AQP1: variants seen among roughly 807,000 people sequenced by gnomAD.
AQP1 encodes aquaporin 1 (Colton blood group), also known as aquaporin-1.
Under a neutral mutation model 19.7 loss-of-function variants are expected in AQP1, and 11 were observed. That is an observed-to-expected ratio of 0.56 (90% confidence interval 0.35 to 0.92). AQP1 has a LOEUF of 0.92. Ranked by LOEUF, AQP1 falls within the 40% of genes least tolerant of loss-of-function variation. The pLI is 0.01. For synonymous variants in AQP1, 159 were observed against 166.7 expected (o/e 0.95, Z 0.36); for missense variants, 320 against 369.7 (o/e 0.87, Z 1.10).
Position 30,919,467 on chromosome 7 carries a change from G to A in AQP1, c.385-2599G>A, listed in dbSNP as rs147013241. Among the ~76,000 whole-genome samples the A allele has an allele frequency of 2.4e-3, 365 of 152,016 alleles. 5 individuals carry two copies. Among genetic ancestry groups the A allele is most frequent in the African/African-American group, 8.3e-3 (344 of 41,446 alleles). On this transcript the variant is annotated intron_variant, in intron 1 of 3. Transcript: ENST00000311813. ...GAAGAAATGTGTGGATTATTCTTTCGGTAATACTTGCATTCACAAAACCCA... is the reference window on the plus strand; with the variant it reads ...GAAGAAATGTGTGGATTATTCTTTCAGTAATACTTGCATTCACAAAACCCA...
rs1041588814 is a variant in AQP1 at position 30,924,759 on chromosome 7, C to T, written c.*1130C>T. The T allele has an allele frequency of 2.0e-5, 3 of 152,240 alleles. No homozygotes were observed. The highest frequency in any genetic ancestry group is 2.9e-5 in the Non-Finnish European group (2 of 68,056). 9.4% of individuals were successfully genotyped at this position (152,240 alleles called of 1,614,324 possible). ...GCTGGGCCTGGGGGTTTTCCAAGCC[C>T]TCAGCTGGTCCTGACCAGGATGGAG... On this transcript the variant is annotated 3_prime_UTR_variant, in exon 4 of 4. Transcript: ENST00000311813.
chr7:30,923,467 A>G lies in AQP1; in HGVS notation c.648A>G (p.Pro216=). The change falls in exon 4 of 4, where the codon CCA becomes CCG. Residue 216 remains proline, a synonymous_variant. Coordinates refer to ENST00000311813, the MANE Select transcript of AQP1 (RefSeq NM_198098.4). This position sits in a 1 kb window ranked among gnomAD's most constrained non-coding sequence, Gnocchi z 4.8. ...FSNHWIFWVG[P]FIGGALAVLI... ...GTTCCTAGATTTTCTGGGTGGGGCC[A>G]TTCATCGGGGGAGCCCTGGCTGTAC... 3.1e-6 allele frequency: 5 copies of G among 1,613,938 alleles called. No individual in the cohort carries two copies. The highest frequency in any genetic ancestry group is 2.2e-5 in the South Asian group (2 of 91,078).
At position 30,923,647 on chromosome 7, in the gene AQP1, C is replaced by A; in HGVS notation, c.*18C>A. 2.1e-6 allele frequency: 3 copies of A among 1,397,796 alleles called. No homozygotes were observed. The highest frequency in any genetic ancestry group is 3.8e-5 in the East Asian group (1 of 26,090). 86.6% of individuals were successfully genotyped at this position (1,397,796 alleles called of 1,614,324 possible). On this transcript the variant is annotated 3_prime_UTR_variant, in exon 4 of 4. Transcript: ENST00000311813. This position sits in a 1 kb window ranked among gnomAD's most constrained non-coding sequence, Gnocchi z 4.8. Reference sequence around the variant, plus strand: ...CCAAATAGAAGGGGTCTGGCCCGGGCATCCACGTAGGGGGCAGGGGCAGGG... The same window carrying A: ...CCAAATAGAAGGGGTCTGGCCCGGGAATCCACGTAGGGGGCAGGGGCAGGG...
In AQP1 at chr7:30,922,658, G is replaced by C; in HGVS notation, c.630+14G>C. ...AGCAACCACTGGGTAGGAGACCCAC[G>C]GGGGGTGGGGTGGGAAGCTTTGGTG... is the stretch of plus-strand genomic sequence containing the variant. On this transcript the variant is annotated intron_variant, in intron 3 of 3. Coordinates refer to ENST00000311813, the MANE Select transcript of AQP1 (RefSeq NM_198098.4). 1 of 1,610,252 alleles carries C rather than the reference G, an allele frequency of 6.2e-7. No individual in the cohort carries two copies. Among genetic ancestry groups the C allele is most frequent in the South Asian group, 1.1e-5 (1 of 91,004 alleles).
rs59533768 is a variant in AQP1, at chr7:30,917,577, C to T, written c.385-4489C>T. ...TGTGACACAGGGAGACAGTGAGGCA[C>T]CCAGAAGTGCCATCAGACATACCAG... is the stretch of plus-strand genomic sequence containing the variant. On this transcript the variant is annotated intron_variant, in intron 1 of 3. Coordinates refer to ENST00000311813, the MANE Select transcript of AQP1 (RefSeq NM_198098.4). 7.6e-3 allele frequency among the ~76,000 whole-genome samples: 1,152 copies of T among 152,226 alleles called. 13 individuals are homozygous for T. Among genetic ancestry groups the T allele is most frequent in the African/African-American group, 0.026 (1,087 of 41,520 alleles).
At chr7:30,914,434 G>A (rs1791259039) in intron 1 of AQP1, among the ~76,000 whole-genome samples, 1 of 152,240 alleles carries the variant, frequency 6.6e-6, no homozygotes, top group African/African-American at 2.4e-5. Context: ...CTGGCTAAGA[G>A]CAGCCCAGCA....
rs560221857 is a variant in AQP1 at position 30,923,948 on chromosome 7, C to G, written c.*319C>G. ...CATGATGGGAGGTGTGCCAGAAAGT[C>G]CCCCCTCGCCCCAAAGTTGCTCACC... On this transcript the variant is annotated 3_prime_UTR_variant, in exon 4 of 4. Transcript: ENST00000311813. This position sits in a 1 kb window ranked among gnomAD's most constrained non-coding sequence, Gnocchi z 4.8. 4.2e-6 allele frequency: 6 copies of G among 1,414,476 alleles called. No homozygotes were observed. The highest frequency in any genetic ancestry group is 3.4e-5 in the South Asian group (3 of 87,248). The allele number at this position is 1,414,476 out of a possible 1,614,324, so 87.6% of individuals were successfully genotyped here. A position where few individuals can be genotyped will look rare whatever the true frequency, so the allele number is the denominator to read the frequency against.
chr7:30,921,845 G>A, intron 1 of AQP1: 2 of 1,545,368 alleles, frequency 1.3e-6, no homozygotes, highest in Non-Finnish European at 1.7e-6. Context: ...GCAGGTATTA[G>A]GGGCTGGGCT....
chr7:30,913,783 A>G (rs1253891705), intron 1 of AQP1, among the ~76,000 whole-genome samples: 4 of 152,152 alleles, frequency 2.6e-5, no homozygotes, highest in African/African-American at 9.7e-5. Flanking sequence ...GACTTTAGCC[A>G]GTTTAGACGT....
Position 30,924,271 on chromosome 7 carries a change from G to T in AQP1, c.*642G>T. 1 of 342,086 alleles carries T rather than the reference G, an allele frequency of 2.9e-6. No individual in the cohort carries two copies. Among genetic ancestry groups the T allele is most frequent in the Non-Finnish European group, 4.9e-6 (1 of 205,220 alleles). The allele number at this position is 342,086 out of a possible 1,614,324, so 21.2% of individuals were successfully genotyped here. ...CTCTACAGGCCTGCAGCCCCTAAGT[G>T]CAAACACAGCATGGGTCCAGAAGAC... On this transcript the variant is annotated 3_prime_UTR_variant, in exon 4 of 4. Coordinates refer to ENST00000311813, the MANE Select transcript of AQP1 (RefSeq NM_198098.4).
chr7:30,924,079 AG>A lies in AQP1; in HGVS notation c.*455del. 8.2e-7 allele frequency: 1 copy of A among 1,212,668 alleles called. No homozygotes were observed. Among genetic ancestry groups the A allele is most frequent in the Non-Finnish European group, 1.1e-6 (1 of 951,776 alleles). 75.1% of individuals were successfully genotyped at this position (1,212,668 alleles called of 1,614,324 possible). A position where few individuals can be genotyped will look rare whatever the true frequency, so the allele number is the denominator to read the frequency against. ...GCACCTTGCTCCCAATGGTGCTTGGAGGGGGAAGAGATCCCAGGAGGTGCAG... is the reference window on the plus strand; with the variant it reads ...GCACCTTGCTCCCAATGGTGCTTGGAGGGGAAGAGATCCCAGGAGGTGCAG... On this transcript the variant is annotated 3_prime_UTR_variant, in exon 4 of 4. Transcript: ENST00000311813.
Position 30,923,835 on chromosome 7 carries a change from G to T in AQP1, c.*206G>T. ...CTGTTTCCTGGCCTCAGAGCTTCCT[G>T]GGGACCAAGATTTACCAATTCACCC... On this transcript the variant is annotated 3_prime_UTR_variant, in exon 4 of 4. Transcript: ENST00000311813. This position sits in a 1 kb window ranked among gnomAD's most constrained non-coding sequence, Gnocchi z 4.8. The T allele has an allele frequency of 6.5e-7, 1 of 1,528,002 alleles. No individual in the cohort carries two copies. 94.7% of individuals were successfully genotyped at this position (1,528,002 alleles called of 1,614,324 possible). A position where few individuals can be genotyped will look rare whatever the true frequency, so the allele number is the denominator to read the frequency against.
Position 30,912,095 on chromosome 7 carries a change from G to C in AQP1, c.186G>C (p.Thr62=). Residue 62 remains threonine (T), a synonymous_variant, in exon 1 of 4, where the codon ACG becomes ACC. Transcript: ENST00000311813. The surrounding 1 kb of genome is among the most constrained non-coding windows in gnomAD (Gnocchi z 4.3). ...TGGCCTTCGGGCTGAGCATCGCCAC[G>C]CTGGCGCAGAGTGTGGGCCACATCA... is the stretch of plus-strand genomic sequence containing the variant. ...VSLAFGLSIA[T]LAQSVGHISG... The C allele has an allele frequency of 1.9e-6, 3 of 1,613,276 alleles. No homozygotes were observed. The highest frequency in any genetic ancestry group is 2.5e-6 in the Non-Finnish European group (3 of 1,180,042).
At position 30,922,178 on chromosome 7, in the gene AQP1, G is replaced by A. The variant is rs930047601; in HGVS notation, c.497G>A (p.Gly166Asp). 2.5e-6 allele frequency: 4 copies of A among 1,612,656 alleles called. No individual in the cohort carries two copies. The highest frequency in any genetic ancestry group is 1.3e-5 in the African/African-American group (1 of 74,912). Residue 166 changes from glycine to aspartate, a missense_variant, in exon 2 of 4, where the codon GGC (glycine) becomes GAC (aspartate). Gly to Asp is a moderately conservative substitution (Grantham distance 94). Coordinates refer to ENST00000311813, the MANE Select transcript of AQP1 (RefSeq NM_198098.4). ...GACCGGAGGCGCCGTGACCTTGGTGGCTCAGCCCCCCTTGCCATCGGCCTC... is the reference window on the plus strand; with the variant it reads ...GACCGGAGGCGCCGTGACCTTGGTGACTCAGCCCCCCTTGCCATCGGCCTC... ...TTDRRRRDLGGSAPLAIGLSV... is the reference protein window; with the variant it reads ...TTDRRRRDLGDSAPLAIGLSV...
intron 1 of AQP1, among the ~76,000 whole-genome samples, chr7:30,918,124 A>G (rs1791405407): frequency 6.6e-6 from 1 of 151,794 alleles, no homozygotes; most frequent in South Asian, 2.1e-4. Context: ...CCTCCCGAGT[A>G]GCTGGGACCA....
chr7:30,921,532 A>G lies in AQP1; in HGVS notation c.385-534A>G, dbSNP rs559811893. On this transcript the variant is annotated intron_variant, in intron 1 of 3. Coordinates refer to ENST00000311813, the MANE Select transcript of AQP1 (RefSeq NM_198098.4). ...AGGGAGGCAGGCACAGAGGAGAAAG[A>G]GGGGTGGAGGGAGCCAGGACCTCAC... 22 of 1,523,490 alleles carry G rather than the reference A, an allele frequency of 1.4e-5. No individual in the cohort carries two copies. The African/African-American group carries it at 2.5e-4, about 17-fold the overall frequency. The allele number at this position is 1,523,490 out of a possible 1,614,324, so 94.4% of individuals were successfully genotyped here.
rs1431193754 is a variant in AQP1, at chr7:30,924,559, C to T, written c.*930C>T. On this transcript the variant is annotated 3_prime_UTR_variant, in exon 4 of 4. Coordinates refer to ENST00000311813, the MANE Select transcript of AQP1 (RefSeq NM_198098.4). ...TCTGAGTTTTAGTTGGTCTTTCCAT[C>T]TATCACTGCATTATCTTGCTCATTC... 2.0e-5 allele frequency: 3 copies of T among 152,562 alleles called. No homozygotes were observed. The highest frequency in any genetic ancestry group is 4.4e-5 in the Non-Finnish European group (3 of 68,298). 9.5% of individuals were successfully genotyped at this position (152,562 alleles called of 1,614,324 possible).
Position 30,912,169 on chromosome 7 carries a change from GC to G in AQP1, c.262del (p.Gln88ArgfsTer32). ...PAVTLGLLLS[C>X]QISIFRALMY... Reference sequence around the variant, plus strand: ...GTCACACTGGGGCTGCTGCTCAGCTGCCAGATCAGCATCTTCCGTGCCCTCA... The same window carrying G: ...GTCACACTGGGGCTGCTGCTCAGCTGCAGATCAGCATCTTCCGTGCCCTCA... On this transcript the variant is annotated frameshift_variant, in exon 1 of 4. Transcript: ENST00000311813. LOFTEE classifies it high-confidence loss of function. The surrounding 1 kb of genome is among the most constrained non-coding windows in gnomAD (Gnocchi z 4.3). 6.2e-7 allele frequency: 1 copy of G among 1,612,802 alleles called. No individual in the cohort carries two copies. Among genetic ancestry groups the G allele is most frequent in the Non-Finnish European group, 8.5e-7 (1 of 1,180,044 alleles).
chr7:30,916,799 G>A lies in AQP1; in HGVS notation c.384+4506G>A, dbSNP rs147424615. Among the ~76,000 whole-genome samples, 389 of 152,308 alleles carry A rather than the reference G, an allele frequency of 2.6e-3. 4 individuals are homozygous for A. Among genetic ancestry groups the A allele is most frequent in the East Asian group, 0.022 (116 of 5,188 alleles). On this transcript the variant is annotated intron_variant, in intron 1 of 3. Transcript: ENST00000311813. The stretch of plus-strand genomic sequence containing the variant: ...GAAGGTTGTTGTTGATATTGTTGTT[G>A]ACACGAAGAAGGGGCTGTCTCTAAG...
Sources: gnomAD v4.1 joint callset for allele counts (sites outside exome capture counted in the v4.1 genomes callset) on GRCh38, gnomAD v4.1.1 for gene constraint, Gnocchi (gnomAD v3.1) non-coding constraint, MANE v1.5 for transcripts, NCBI Gene and HGNC (gene_info 2026-07-23, HGNC 2026-07-21) for gene names.